The following LRBA variants were observed in gnomAD, a reference collection of about 807,000 sequenced individuals.
LRBA encodes lipopolysaccharide-responsive and beige-like anchor protein.
In LRBA, 176 loss-of-function variants were observed where a neutral mutation model predicts 330.0. The observed-to-expected ratio is 0.53, with a 90% CI of 0.47 to 0.60. The LOEUF is 0.60. Ranked by LOEUF, LRBA falls within the 20% of genes least tolerant of loss-of-function variation. The pLI is 0.00. For synonymous variants in LRBA, 1,230 were observed against 1,193.0 expected, an observed-to-expected ratio of 1.03 and a Z score of -0.64; for missense variants, 3,259 against 3,444.8, an observed-to-expected ratio of 0.95 and a Z score of 1.35.
chr4:150,414,925 A>G (rs1164253971), intron 47 of LRBA, among the ~76,000 whole-genome samples: 1 of 152,258 alleles, frequency 6.6e-6, no homozygotes, highest in East Asian at 1.9e-4. Flanking sequence ...ACACTAAAGA[A>G]TCCACTAAAG....
intron 2 of LRBA, among the ~76,000 whole-genome samples, chr4:150,978,928 G>T (rs754730495): frequency 2.0e-5 from 3 of 152,154 alleles, no homozygotes; most frequent in Non-Finnish European, 4.4e-5. Flanking sequence ...GAGAGTTATT[G>T]TCCTTAAAGA....
chr4:150,429,499 G>T (rs2660443), intron 46 of LRBA, among the ~76,000 whole-genome samples: 151,201 of 152,202 alleles, frequency 0.99, 75,106 homozygotes, highest in East Asian at 1. Flanking sequence ...AACCATTTAC[G>T]ATAGGGGGAA....
rs188874823 is a variant in LRBA at position 150,729,504 on chromosome 4, A to T, written c.5754+5754T>A. ...TGATAAAAGAAATTGAAGAGAATAT[A>T]AAAAAATGGAAGGATATTCTATGTT... On this transcript the variant is annotated intron_variant, in intron 36 of 56. Transcript: ENST00000651943. Among the ~76,000 whole-genome samples the T allele has an allele frequency of 1.5e-3, 221 of 152,312 alleles. 1 individual carries two copies. The highest frequency in any genetic ancestry group is 3.3e-3 in the Admixed American group (50 of 15,290).
chr4:150,973,089 C>T (rs898236360), intron 2 of LRBA, among the ~76,000 whole-genome samples: 3 of 152,172 alleles, frequency 2.0e-5, no homozygotes, highest in Non-Finnish European at 4.4e-5. Flanking sequence ...AGTTCAAGAC[C>T]AGCCTGGGCA....
intron 17 of LRBA, among the ~76,000 whole-genome samples, chr4:150,889,566 T>C (rs188774758): frequency 2.6e-5 from 4 of 152,316 alleles, no homozygotes; most frequent in South Asian, 2.1e-4. Flanking sequence ...TAGATTCTCA[T>C]AGGAGTAGAA....
At chr4:150,662,908 G>C (rs1041676248) in intron 37 of LRBA, among the ~76,000 whole-genome samples, 11 of 152,170 alleles carry the variant, frequency 7.2e-5, no homozygotes, top group African/African-American at 2.7e-4. Flanking sequence ...TGTGAGCCAA[G>C]ATTGTGGCAC....
At chr4:150,919,119 A>G (rs983582999) in intron 5 of LRBA, among the ~76,000 whole-genome samples, 12 of 152,222 alleles carry the variant, frequency 7.9e-5, no homozygotes, top group Admixed American at 7.2e-4. Flanking sequence ...ATGGACCTTG[A>G]AAACATTATG....
chr4:150,671,779 A>G (rs930868547), intron 37 of LRBA, among the ~76,000 whole-genome samples: 1 of 152,168 alleles, frequency 6.6e-6, no homozygotes, highest in African/African-American at 2.4e-5. Flanking sequence ...CTTCAGGAAG[A>G]AGAGAGAGAC....
intron 44 of LRBA, among the ~76,000 whole-genome samples, chr4:150,442,532 G>A (rs771947299): frequency 4.6e-5 from 7 of 152,270 alleles, no homozygotes; most frequent in Non-Finnish European, 8.8e-5. Flanking sequence ...ATATGACTGG[G>A]AAATCAGAAA....
At chr4:150,611,414 A>T (rs1421836232) in intron 37 of LRBA, among the ~76,000 whole-genome samples, 1 of 152,118 alleles carries the variant, frequency 6.6e-6, no homozygotes, top group Non-Finnish European at 1.5e-5. Context: ...ATTACCAAAA[A>T]TTTTCCAGGC....
In LRBA at chr4:150,685,313, T is replaced by A. The variant is rs528409506; in HGVS notation, c.5755-1596A>T. On this transcript the variant is annotated intron_variant, in intron 36 of 56. Transcript: ENST00000651943. ...AAACCAGTAAAAACATCCAAAAAAA[T>A]TGGTTTTTTTTGTTCCTTACACCAA... Among the ~76,000 whole-genome samples the A allele has an allele frequency of 2.1e-5, 3 of 140,752 alleles. No individual in the cohort carries two copies. The East Asian group carries it at 6.4e-4, about 30-fold the overall frequency. The allele number at this position is 140,752 out of a possible 152,430, so 92.3% of individuals were successfully genotyped here.
At chr4:150,728,065 T>C (rs1250678498) in intron 36 of LRBA, among the ~76,000 whole-genome samples, 1 of 152,130 alleles carries the variant, frequency 6.6e-6, no homozygotes, top group Non-Finnish European at 1.5e-5. Flanking sequence ...GGATCATTAG[T>C]GGCTACTATG....
At chr4:150,480,945 C>G (rs749420406) in intron 42 of LRBA, among the ~76,000 whole-genome samples, 3 of 152,142 alleles carry the variant, frequency 2.0e-5, no homozygotes, top group Non-Finnish European at 4.4e-5. Flanking sequence ...CAGTCCAGCT[C>G]TTATTTTGTA....
intron 30 of LRBA, among the ~76,000 whole-genome samples, chr4:150,820,968 T>C (rs929417354): frequency 1.3e-5 from 2 of 152,066 alleles, no homozygotes; most frequent in African/African-American, 4.8e-5. Context: ...TTTTATACAA[T>C]GCATTGGAAA....
At chr4:150,833,147 A>G (rs568793986) in intron 28 of LRBA, among the ~76,000 whole-genome samples, 1 of 152,122 alleles carries the variant, frequency 6.6e-6, no homozygotes, top group East Asian at 1.9e-4. Flanking sequence ...AAAAGGATCT[A>G]TGAGAAAGAA....
At chr4:150,903,846 C>A (rs1218781911) in intron 13 of LRBA, among the ~76,000 whole-genome samples, 1 of 152,140 alleles carries the variant, frequency 6.6e-6, no homozygotes, top group African/African-American at 2.4e-5. Context: ...ACTCCAATAG[C>A]CACACAAATT....
chr4:150,391,996 A>C (rs919364088), intron 47 of LRBA, among the ~76,000 whole-genome samples: 2 of 132,592 alleles, frequency 1.5e-5, no homozygotes, highest in South Asian at 4.8e-4. Context: ...AAAAAAAAAA[A>C]AACTTTACAA....
chr4:150,312,160 T>C (rs995517769), intron 51 of LRBA, among the ~76,000 whole-genome samples: 101 of 152,202 alleles, frequency 6.6e-4, no homozygotes, highest in African/African-American at 2.4e-3. Flanking sequence ...AAAGTACCCA[T>C]TGGCAAAGGC....
intron 37 of LRBA, among the ~76,000 whole-genome samples, chr4:150,645,029 C>T (rs896295948): frequency 6.6e-6 from 1 of 151,310 alleles, no homozygotes; most frequent in Non-Finnish European, 1.5e-5. Flanking sequence ...ATGGTCTTAA[C>T]CAATGTCATT....
Sources: gnomAD v4.1 joint callset for allele counts (sites outside exome capture counted in the v4.1 genomes callset) on GRCh38, gnomAD v4.1.1 for gene constraint, MANE v1.5 for transcripts, NCBI Gene and HGNC (gene_info 2026-07-23, HGNC 2026-07-21) for gene names.